PRSS38: variants seen among roughly 807,000 people sequenced by gnomAD.
The protein encoded by PRSS38 is serine protease 38, also known as marapsin 2.
A neutral mutation model predicts 26.8 loss-of-function variants in PRSS38; 22 were observed. That is an observed-to-expected ratio of 0.82 (90% CI 0.59 to 1.17). PRSS38 has a LOEUF of 1.17. PRSS38 is among the 50% of genes most tolerant of loss of function. The probability of loss-of-function intolerance (pLI) is 0.00; values close to 1 mark genes in which losing one functional copy is unlikely to be tolerated. For missense variants in PRSS38, 427 were observed against 422.7 expected (o/e 1.01, Z -0.09); for synonymous variants, 175 against 172.1 (o/e 1.02, Z -0.13).
rs760500202 is a variant in PRSS38, at chr1:227,816,298, C to T, written c.311+46C>T. ...GATGGTGTGGGTAGCTGGGCCTGCA[C>T]GGAGTGCCCACAGCGGCTTGGATGG... is the stretch of plus-strand genomic sequence containing the variant. On this transcript the variant is annotated intron_variant, in intron 2 of 4. Transcript: ENST00000366757. The surrounding 1 kb of genome is among the most constrained non-coding windows in gnomAD (Gnocchi z 5.1). 2.8e-5 allele frequency: 44 copies of T among 1,578,530 alleles called. No individual in the cohort carries two copies. Among genetic ancestry groups the T allele is most frequent in the Admixed American group, 8.5e-5 (5 of 58,538 alleles).
At chr1:227,843,247 A>G (rs1665365169) in intron 3 of PRSS38, among the ~76,000 whole-genome samples, 1 of 152,216 alleles carries the variant, frequency 6.6e-6, no homozygotes, top group South Asian at 2.1e-4. Context: ...CCAGAAAACC[A>G]AACGTAACTG....
intron 3 of PRSS38, 85 bp downstream of exon 3, chr1:227,817,565 G>T (rs1024279204): frequency 1.4e-6 from 2 of 1,433,408 alleles, no homozygotes; most frequent in Admixed American, 1.9e-5. Flanking sequence ...AGCTAAGGGG[G>T]TCCAGGTGTT....
At chr1:227,838,499 C>T (rs569929760) in intron 3 of PRSS38, among the ~76,000 whole-genome samples, 79 of 152,360 alleles carry the variant, frequency 5.2e-4, no homozygotes, top group African/African-American at 1.8e-3. Context: ...AGTCAGCCTA[C>T]TCATTTCTAC....
At chr1:227,838,529 C>T (rs536855136) in intron 3 of PRSS38, among the ~76,000 whole-genome samples, 3 of 152,320 alleles carry the variant, frequency 2.0e-5, no homozygotes, top group South Asian at 2.1e-4. Flanking sequence ...GCTAAGGTTT[C>T]GAATGATCCA....
chr1:227,826,856 T>C (rs1166255293), intron 3 of PRSS38, among the ~76,000 whole-genome samples: 1 of 152,228 alleles, frequency 6.6e-6, no homozygotes, highest in Non-Finnish European at 1.5e-5. Context: ...GGTCTGTTCC[T>C]TCAACACCTA....
At chr1:227,840,958 G>A (rs1419828472) in intron 3 of PRSS38, among the ~76,000 whole-genome samples, 2 of 152,186 alleles carry the variant, frequency 1.3e-5, no homozygotes, top group African/African-American at 4.8e-5. Flanking sequence ...AGTGCTGCTA[G>A]CCACCAGCTT....
At chr1:227,841,235 GC>G (rs1298452686) in intron 3 of PRSS38, among the ~76,000 whole-genome samples, 2 of 152,246 alleles carry the variant, frequency 1.3e-5, no homozygotes, top group African/African-American at 4.8e-5. Context: ...TCTGCCCCAT[GC>G]AACTGTCTCC....
chr1:227,830,588 G>A (rs1467973925), intron 3 of PRSS38, among the ~76,000 whole-genome samples: 2 of 144,856 alleles, frequency 1.4e-5, no homozygotes, highest in African/African-American at 2.6e-5. Flanking sequence ...TACAACCTCC[G>A]CCTCTGGGTT....
intron 3 of PRSS38, among the ~76,000 whole-genome samples, chr1:227,830,953 G>A (rs1175275532): frequency 6.6e-6 from 1 of 151,878 alleles, no homozygotes; most frequent in Non-Finnish European, 1.5e-5. Flanking sequence ...ATAACTAAAG[G>A]TTTATCAATT....
intron 3 of PRSS38, among the ~76,000 whole-genome samples, chr1:227,820,089 CAAAAAAAAAAA>C (rs61564441): frequency 2.3e-5 from 1 of 42,790 alleles, no homozygotes. Flanking sequence ...AACTCCATCT[CAAAAAAAAAAA>C]AAAAAAAAAA....
intron 3 of PRSS38, among the ~76,000 whole-genome samples, chr1:227,819,008 G>T (rs1004493098): frequency 1.1e-4 from 16 of 152,238 alleles, no homozygotes; most frequent in African/African-American, 3.4e-4. Context: ...TTTCTAGAAA[G>T]TTGTTCATTT....
At chr1:227,822,205 A>T (rs1467871288) in intron 3 of PRSS38, among the ~76,000 whole-genome samples, 2 of 151,998 alleles carry the variant, frequency 1.3e-5, no homozygotes, top group African/African-American at 4.8e-5. Context: ...CTGTTTACTA[A>T]TAGTATCTTT....
At chr1:227,841,955 T>C (rs1228951788) in intron 3 of PRSS38, among the ~76,000 whole-genome samples, 3 of 152,020 alleles carry the variant, frequency 2.0e-5, no homozygotes, top group Non-Finnish European at 4.4e-5. Flanking sequence ...CTTCCACTCA[T>C]GGGGAAGGGG....
intron 3 of PRSS38, among the ~76,000 whole-genome samples, chr1:227,832,496 C>T (rs1252921593): frequency 1.3e-5 from 2 of 152,124 alleles, no homozygotes; most frequent in Non-Finnish European, 2.9e-5. Flanking sequence ...GGTTGTAGGG[C>T]TTGCTTTGTT....
At chr1:227,823,980 C>G (rs1005502581) in intron 3 of PRSS38, among the ~76,000 whole-genome samples, 1 of 152,144 alleles carries the variant, frequency 6.6e-6, no homozygotes, top group Non-Finnish European at 1.5e-5. Context: ...AGTGGTGGGA[C>G]TGCTGGATTG....
intron 3 of PRSS38, among the ~76,000 whole-genome samples, chr1:227,844,507 C>T (rs771867887): frequency 4.0e-5 from 6 of 148,774 alleles, no homozygotes; most frequent in Non-Finnish European, 6.0e-5. Flanking sequence ...GTGGTCAGTG[C>T]TCCTTCCGGT....
intron 3 of PRSS38, among the ~76,000 whole-genome samples, chr1:227,821,682 T>A (rs10916219): frequency 0.12 from 17,687 of 152,192 alleles, 1,324 homozygotes; most frequent in East Asian, 0.22. Flanking sequence ...ATCTCCTTAG[T>A]TTTTTATGAG....
At chr1:227,842,572 T>C (rs1268340267) in intron 3 of PRSS38, among the ~76,000 whole-genome samples, 1 of 151,916 alleles carries the variant, frequency 6.6e-6, no homozygotes, top group Non-Finnish European at 1.5e-5. Context: ...TCTCCTTCTC[T>C]GAGGGAACTT....
intron 3 of PRSS38, among the ~76,000 whole-genome samples, chr1:227,822,631 G>A (rs1228706869): frequency 1.7e-4 from 26 of 152,146 alleles, no homozygotes. Context: ...CACTGAAGTC[G>A]CTATTCCTTA....
Sources: gnomAD v4.1 joint callset for allele counts (sites outside exome capture counted in the v4.1 genomes callset) on GRCh38, gnomAD v4.1.1 for gene constraint, Gnocchi (gnomAD v3.1) non-coding constraint, MANE v1.5 for transcripts, NCBI Gene and HGNC (gene_info 2026-07-23, HGNC 2026-07-21) for gene names.